PPFIA2: variants seen among roughly 807,000 people sequenced by gnomAD.
PPFIA2 encodes liprin-alpha-2.
PPFIA2 carries 46 observed loss-of-function variants against 175.5 expected under a neutral mutation model. The observed-to-expected ratio is 0.26, with a 90% CI of 0.21 to 0.34. The LOEUF (loss-of-function observed/expected upper bound fraction) is 0.34. PPFIA2 is among the 10% of genes least tolerant of loss of function. The pLI is 1.00. For synonymous variants in PPFIA2, 568 were observed against 511.4 expected (o/e 1.11, Z -1.49); for missense variants, 1,179 against 1,506.1 (o/e 0.78, Z 3.60).
At chr12:81,500,096 C>T (rs534854032) in intron 4 of PPFIA2, among the ~76,000 whole-genome samples, 8 of 152,266 alleles carry the variant, frequency 5.3e-5, no homozygotes, top group Non-Finnish European at 8.8e-5. Context: ...CAAATATTCA[C>T]GGCCTCATGT....
At position 81,332,627 on chromosome 12, in the gene PPFIA2, A is replaced by G. The variant is rs556845844; in HGVS notation, c.2548+6553T>C. ...TATTATTTATTCATTTATATGGGATATCCTCAAGATGTTATATACTTCTTG... is the reference window on the plus strand; with the variant it reads ...TATTATTTATTCATTTATATGGGATGTCCTCAAGATGTTATATACTTCTTG... On this transcript the variant is annotated intron_variant, in intron 21 of 32. Coordinates refer to ENST00000549396, the MANE Select transcript of PPFIA2 (RefSeq NM_003625.5). 2.7e-4 allele frequency among the ~76,000 whole-genome samples: 41 copies of G among 152,320 alleles called. No homozygotes were observed. In the South Asian group the frequency reaches 8.3e-3, roughly 31 times the overall value.
chr12:81,294,022 T>C (rs1171963190), intron 24 of PPFIA2, among the ~76,000 whole-genome samples: 1 of 76,348 alleles, frequency 1.3e-5, no homozygotes, highest in Non-Finnish European at 3.0e-5. Context: ...TTATCCCAAG[T>C]GAAATAACTT....
At chr12:81,553,789 GA>G (rs79944575) in intron 4 of PPFIA2, among the ~76,000 whole-genome samples, 1 of 151,940 alleles carries the variant, frequency 6.6e-6, no homozygotes. Flanking sequence ...TCCCTGGTCA[GA>G]AAAAATAGTG....
chr12:81,261,844 C>T (rs764626480), intron 32 of PPFIA2, 105 bp downstream of exon 32: 83 of 696,500 alleles, frequency 1.2e-4, no homozygotes, highest in Non-Finnish European at 1.8e-4. Context: ...TATCTCATTT[C>T]TGTACTGCTA....
At chr12:81,643,624 C>T (rs930306252) in intron 4 of PPFIA2, among the ~76,000 whole-genome samples, 4 of 151,900 alleles carry the variant, frequency 2.6e-5, no homozygotes, top group Admixed American at 2.0e-4. Context: ...GATGATGTGA[C>T]AGTGAGATGG....
chr12:81,357,017 C>T (rs2060963860), intron 16 of PPFIA2, among the ~76,000 whole-genome samples: 1 of 152,006 alleles, frequency 6.6e-6, no homozygotes, highest in South Asian at 2.1e-4. Flanking sequence ...AAAGACAGAT[C>T]CTAGATCTCT....
At chr12:81,457,283 C>CT (rs566866017) in intron 5 of PPFIA2, among the ~76,000 whole-genome samples, 137 of 141,208 alleles carry the variant, frequency 9.7e-4, no homozygotes, top group Admixed American at 1.0e-3. Context: ...CGCGTCCGGC[C>CT]TTTTTTTTTT....
chr12:81,393,282 G>C (rs1001800624), intron 8 of PPFIA2, among the ~76,000 whole-genome samples: 1 of 152,052 alleles, frequency 6.6e-6, no homozygotes, highest in Admixed American at 6.6e-5. Context: ...TGTGTATATT[G>C]AGTTTATTTT....
intron 14 of PPFIA2, among the ~76,000 whole-genome samples, chr12:81,364,906 T>G (rs567130444): frequency 2.2e-4 from 34 of 151,880 alleles, no homozygotes; most frequent in Admixed American, 5.9e-4. Context: ...CTGAGAAGAC[T>G]GCTGGTGTGT....
intron 24 of PPFIA2, chr12:81,292,874 T>C (rs2045422423): frequency 6.6e-6 from 1 of 152,016 alleles, no homozygotes; most frequent in Non-Finnish European, 1.5e-5. Context: ...AGGTAAGAAT[T>C]TTAAAAATTA....
At chr12:81,307,792 T>C (rs1486861189) in intron 22 of PPFIA2, among the ~76,000 whole-genome samples, 1 of 152,162 alleles carries the variant, frequency 6.6e-6, no homozygotes, top group Admixed American at 6.5e-5. Flanking sequence ...AATCTGGCTG[T>C]CTCCCTGGCT....
chr12:81,537,727 C>T (rs1048144437), intron 4 of PPFIA2, among the ~76,000 whole-genome samples: 5 of 151,776 alleles, frequency 3.3e-5, no homozygotes, highest in African/African-American at 9.7e-5. Flanking sequence ...ATGAGTTCTT[C>T]GTTTTACCAA....
intron 4 of PPFIA2, among the ~76,000 whole-genome samples, chr12:81,602,016 T>C (rs1052675945): frequency 2.6e-5 from 4 of 151,878 alleles, no homozygotes; most frequent in African/African-American, 9.7e-5. Context: ...TATTTTACTA[T>C]ATTGTACTAT....
At chr12:81,598,408 G>A in intron 4 of PPFIA2, 1 of 1,026,074 alleles carries the variant, frequency 9.7e-7, no homozygotes, top group Non-Finnish European at 1.2e-6. Context: ...GTCTAGCAGA[G>A]TGATTATGCT....
intron 4 of PPFIA2, among the ~76,000 whole-genome samples, chr12:81,526,316 G>T (rs146543248): frequency 4.8e-4 from 73 of 152,268 alleles, no homozygotes; most frequent in African/African-American, 1.7e-3. Context: ...TGCTAATGCA[G>T]GCCAATTTGT....
At position 81,284,309 on chromosome 12, in the gene PPFIA2, G is replaced by A. The variant is rs1399697467; in HGVS notation, c.2926-6C>T. On this transcript the variant is annotated splice_polypyrimidine_tract_variant and splice_region_variant and intron_variant, in intron 24 of 32. Coordinates refer to ENST00000549396, the MANE Select transcript of PPFIA2 (RefSeq NM_003625.5). Reference sequence around the variant, plus strand: ...ACCCAAACGTTGCCTGAAGGCTAGTGAGGAGGCCCAGAGGGAAGCAGAGGA... The same window carrying A: ...ACCCAAACGTTGCCTGAAGGCTAGTAAGGAGGCCCAGAGGGAAGCAGAGGA... 3.8e-6 allele frequency: 6 copies of A among 1,575,732 alleles called. No homozygotes were observed. The highest frequency in any genetic ancestry group is 5.2e-6 in the Non-Finnish European group (6 of 1,149,734).
chr12:81,311,281 G>A (rs1211895379), intron 22 of PPFIA2, among the ~76,000 whole-genome samples: 2 of 152,140 alleles, frequency 1.3e-5, no homozygotes, highest in Non-Finnish European at 2.9e-5. Context: ...GAAACAATGG[G>A]AACAACACAC....
intron 4 of PPFIA2, among the ~76,000 whole-genome samples, chr12:81,491,319 A>C (rs1334157882): frequency 1.3e-5 from 2 of 151,822 alleles, no homozygotes; most frequent in Non-Finnish European, 2.9e-5. Flanking sequence ...ATTACTTATC[A>C]CAAATCCTTG....
intron 8 of PPFIA2, among the ~76,000 whole-genome samples, chr12:81,385,843 A>G (rs747637053): frequency 6.6e-6 from 1 of 152,192 alleles, no homozygotes; most frequent in Non-Finnish European, 1.5e-5. Flanking sequence ...AGAAGAGTAG[A>G]TTTTAAGTGC....
Sources: gnomAD v4.1 joint callset for allele counts (sites outside exome capture counted in the v4.1 genomes callset) on GRCh38, gnomAD v4.1.1 for gene constraint, MANE v1.5 for transcripts, NCBI Gene and HGNC (gene_info 2026-07-23, HGNC 2026-07-21) for gene names.